HMGXB3: variants seen among roughly 807,000 people sequenced by gnomAD.
The protein encoded by HMGXB3 is HMG-box containing 3, also known as HMG domain-containing protein 3.
In HMGXB3, 45 loss-of-function variants were observed where a neutral mutation model predicts 121.5. The ratio of observed to expected loss-of-function variants is 0.37; its 90% CI spans 0.29 to 0.47. HMGXB3 has a LOEUF of 0.47. Ranked by LOEUF, HMGXB3 falls within the 20% of genes least tolerant of loss-of-function variation. The pLI, the probability that HMGXB3 is intolerant of heterozygous loss-of-function variation, is 0.99. For synonymous variants in HMGXB3, 590 were observed against 624.1 expected (o/e 0.95, Z 0.81); for missense variants, 1,376 against 1,602.2 (o/e 0.86, Z 2.41).
chr5:150,002,549 A>T (rs1006702533), intron 1 of HMGXB3, among the ~76,000 whole-genome samples: 4 of 152,186 alleles, frequency 2.6e-5, no homozygotes, highest in African/African-American at 9.7e-5. Flanking sequence ...TTTCCTCCTG[A>T]CAGATTTTCA....
At chr5:150,042,421 A>C (rs1304465589) in intron 15 of HMGXB3, among the ~76,000 whole-genome samples, 1 of 152,192 alleles carries the variant, frequency 6.6e-6, no homozygotes, top group East Asian at 1.9e-4. Flanking sequence ...TTTGTATTTT[A>C]TAGAGGGCAG....
rs1443121219 is a variant in HMGXB3 at position 150,015,073 on chromosome 5, A to G, written c.909+2720A>G. On this transcript the variant is annotated intron_variant, in intron 5 of 19. Coordinates refer to ENST00000502717, the MANE Select transcript of HMGXB3 (RefSeq NM_014983.3). ...TCATTAAAGTTAGTAACAAAAGCCA[A>G]AGGGGGACAGATATGGAGATACAGG... The G allele has an allele frequency of 7.3e-6, 3 of 411,888 alleles. No individual in the cohort carries two copies. The East Asian group carries it at 1.3e-4, about 18-fold the overall frequency. The allele number at this position is 411,888 out of a possible 1,614,324, so 25.5% of individuals were successfully genotyped here.
At chr5:150,001,413 C>T (rs1337575348) in intron 1 of HMGXB3, among the ~76,000 whole-genome samples, 1 of 152,204 alleles carries the variant, frequency 6.6e-6, no homozygotes, top group Non-Finnish European at 1.5e-5. Flanking sequence ...AGGAGCTAGC[C>T]CAGAGTCAAA....
intron 13 of HMGXB3, 89 bp from the exon 14 acceptor site, chr5:150,040,659 C>T (rs576762851): frequency 2.7e-5 from 37 of 1,369,978 alleles, no homozygotes; most frequent in African/African-American, 2.9e-5. Flanking sequence ...ACTACAGGCA[C>T]GTGCCACCGC....
Position 150,019,273 on chromosome 5 carries a change from G to A in HMGXB3, c.1041+576G>A, listed in dbSNP as rs376860074. On this transcript the variant is annotated intron_variant, in intron 6 of 19. Coordinates refer to ENST00000502717, the MANE Select transcript of HMGXB3 (RefSeq NM_014983.3). ...ATTTACTTGTTTCTGTCATCCCCCC[G>A]TCTGTATATAGAGATGTCTGTATCT... Among the ~76,000 whole-genome samples, 117 of 151,602 alleles carry A rather than the reference G, an allele frequency of 7.7e-4. 1 individual carries two copies. Among genetic ancestry groups the A allele is most frequent in the African/African-American group, 2.6e-3 (106 of 41,222 alleles).
intron 9 of HMGXB3, among the ~76,000 whole-genome samples, chr5:150,028,501 A>ATGTGTG (rs1184146545): frequency 0.03 from 2,872 of 96,630 alleles, 159 homozygotes; most frequent in East Asian, 0.055. Context: ...ATATATATGT[A>ATGTGTG]TGTATGTGTG....
chr5:150,040,619 C>A, intron 13 of HMGXB3, 129 bp from the exon 14 acceptor site: 1 of 880,618 alleles, frequency 1.1e-6, no homozygotes, highest in Non-Finnish European at 1.7e-6. Context: ...CTCAAGCGAT[C>A]CTCCTGCCTC....
At position 150,051,983 on chromosome 5, in the gene HMGXB3, A is replaced by G. The variant is rs2113766999; in HGVS notation, c.3670A>G (p.Asn1224Asp). The change falls in exon 20 of 20, where the codon AAT becomes GAT. Residue 1224 changes from asparagine (N) to aspartate (D), a missense_variant. By Grantham distance (23) the Asn-to-Asp change is conservative. Transcript: ENST00000502717. ...CCGCCAGCGGCCCATTGCCTTCGAC[A>G]ATGCCACTCACTATTACCTCTACAA... ...GVRQRPIAFD[N>D]ATHYYLYNRL... The G allele has an allele frequency of 1.3e-6, 2 of 1,552,210 alleles. No individual in the cohort carries two copies. The highest frequency in any genetic ancestry group is 2.4e-5 in the South Asian group (2 of 84,064).
rs1756351067 is a variant in HMGXB3, at chr5:150,030,687, C to G, written c.1735-54C>G. 3 of 1,326,376 alleles carry G rather than the reference C, an allele frequency of 2.3e-6. No homozygotes were observed. In the South Asian group the frequency reaches 3.8e-5, roughly 17 times the overall value. 82.2% of individuals were successfully genotyped at this position (1,326,376 alleles called of 1,614,324 possible). On this transcript the variant is annotated intron_variant, in intron 9 of 19. Transcript: ENST00000502717. ...CTCAAGTCGTTTCAGGACATGGGAG[C>G]TCAGGAGTTTGGCTAAGGTTCAAAA...
intron 16 of HMGXB3, among the ~76,000 whole-genome samples, chr5:150,046,900 T>A (rs1756769534): frequency 6.6e-6 from 1 of 151,346 alleles, no homozygotes; most frequent in Non-Finnish European, 1.5e-5. Context: ...TCTTTTTTTT[T>A]TTTGAGACGG....
intron 5 of HMGXB3, 110 bp from the exon 6 acceptor site, chr5:150,018,456 A>T: frequency 1.2e-6 from 1 of 831,720 alleles, no homozygotes; most frequent in Non-Finnish European, 1.7e-6. Context: ...TATGATTATG[A>T]ATTGGTTATC....
chr5:150,033,150 T>G (rs1756420675), intron 11 of HMGXB3, among the ~76,000 whole-genome samples: 1 of 152,178 alleles, frequency 6.6e-6, no homozygotes, highest in Non-Finnish European at 1.5e-5. Context: ...GCTATTATTA[T>G]TATTACTATT....
chr5:150,040,998 A>T, intron 14 of HMGXB3, 119 bp downstream of exon 14: 1 of 970,452 alleles, frequency 1.0e-6, no homozygotes, highest in Non-Finnish European at 1.5e-6. Flanking sequence ...TGAAAAGGAG[A>T]CATTCTTGAC....
intron 5 of HMGXB3, 111 bp from the exon 6 acceptor site, chr5:150,018,455 G>T: frequency 1.2e-6 from 1 of 822,720 alleles, no homozygotes; most frequent in South Asian, 3.6e-5. Flanking sequence ...ATATGATTAT[G>T]AATTGGTTAT....
intron 7 of HMGXB3, among the ~76,000 whole-genome samples, chr5:150,025,983 A>T (rs1371446076): frequency 4.0e-5 from 6 of 151,822 alleles, no homozygotes; most frequent in Non-Finnish European, 5.9e-5. Context: ...GGCACCTGCC[A>T]CCACGCCTGG....
At chr5:150,025,568 T>C (rs1196572691) in intron 7 of HMGXB3, among the ~76,000 whole-genome samples, 1 of 152,130 alleles carries the variant, frequency 6.6e-6, no homozygotes, top group East Asian at 1.9e-4. Context: ...TTTATTTTTA[T>C]GTTTATTTTT....
intron 5 of HMGXB3, among the ~76,000 whole-genome samples, chr5:150,016,968 T>G (rs1344987197): frequency 6.6e-6 from 1 of 152,216 alleles, no homozygotes; most frequent in Non-Finnish European, 1.5e-5. Flanking sequence ...ATAAACAATA[T>G]GTTGTAGATA....
Position 150,036,769 on chromosome 5 carries a change from T to C in HMGXB3, c.2117T>C (p.Leu706Pro). The change falls in exon 12 of 20, where the codon CTG (leucine) becomes CCG (proline). Residue 706 changes from leucine (L) to proline (P), a missense_variant. This residue lies in a region of HMGXB3 where 1,116 missense variants were observed against 1,369.0 expected (regional missense o/e 0.82). Coordinates refer to ENST00000502717, the MANE Select transcript of HMGXB3 (RefSeq NM_014983.3). The stretch of plus-strand genomic sequence containing the variant: ...CAGATTCCTGAGAATGAGTCAGAGC[T>C]GGCTGAGGTCTTCGCCTTGATTCAT... ...VLQIPENESE[L>P]AEVFALIHEL... The C allele has an allele frequency of 1.3e-6, 2 of 1,551,748 alleles. No individual in the cohort carries two copies. The highest frequency in any genetic ancestry group is 1.7e-6 in the Non-Finnish European group (2 of 1,147,010).
In HMGXB3 at chr5:150,034,954, T is replaced by C. The variant is rs541089414; in HGVS notation, c.1984-1682T>C. Among the ~76,000 whole-genome samples, 4 of 152,314 alleles carry C rather than the reference T, an allele frequency of 2.6e-5. No individual in the cohort carries two copies. The South Asian group carries it at 8.3e-4, about 32-fold the overall frequency. The stretch of plus-strand genomic sequence containing the variant: ...AGTCAGCTCTTCTGTAGCCACTGAT[T>C]AATTAATTCTCTCAGCCAGCCTATA... On this transcript the variant is annotated intron_variant, in intron 11 of 19. Transcript: ENST00000502717.
Sources: gnomAD v4.1 joint callset for allele counts (sites outside exome capture counted in the v4.1 genomes callset) on GRCh38, gnomAD v4.1.1 for gene constraint, gnomAD v4.1.1 regional missense constraint, MANE v1.5 for transcripts, NCBI Gene and HGNC (gene_info 2026-07-23, HGNC 2026-07-21) for gene names.